RYR3: variants seen among roughly 807,000 people sequenced by gnomAD.
The protein encoded by RYR3 is ryanodine receptor 3.
RYR3 carries 207 observed loss-of-function variants against 584.3 expected under a neutral mutation model. The observed-to-expected ratio is 0.35, with a 90% CI of 0.32 to 0.40. RYR3 has a LOEUF of 0.40. RYR3 is among the 10% of genes least tolerant of loss of function. RYR3 has a pLI of 1.00. For missense variants in RYR3, 5,616 were observed against 6,089.2 expected (o/e 0.92, Z 2.59); for synonymous variants, 2,416 against 2,248.5 (o/e 1.07, Z -2.11).
At chr15:33,659,118 A>G (rs983022927) in intron 32 of RYR3, among the ~76,000 whole-genome samples, 3 of 152,192 alleles carry the variant, frequency 2.0e-5, no homozygotes, top group Admixed American at 1.3e-4. Flanking sequence ...GCTGATGTGC[A>G]GTGGGCAGAG....
At chr15:33,644,589 C>T in intron 28 of RYR3, 70 bp downstream of exon 28, 4 of 1,178,724 alleles carry the variant, frequency 3.4e-6, no homozygotes, top group Non-Finnish European at 2.5e-6. Context: ...CCCTAAGTCT[C>T]CTGTCAACAG....
intron 1 of RYR3, among the ~76,000 whole-genome samples, chr15:33,367,077 T>A (rs1215437309): frequency 6.6e-6 from 1 of 152,206 alleles, no homozygotes; most frequent in Non-Finnish European, 1.5e-5. Context: ...ATTGAAGAAC[T>A]ATGAAAAACA....
intron 86 of RYR3, among the ~76,000 whole-genome samples, chr15:33,831,451 A>C (rs2065333849): frequency 6.6e-6 from 1 of 152,228 alleles, no homozygotes; most frequent in African/African-American, 2.4e-5. Context: ...TGGAGAGTGG[A>C]GTGGAGAAAT....
At chr15:33,849,590 CAAGT>C (rs1277596454) in intron 94 of RYR3, 7 of 152,124 alleles carry the variant, frequency 4.6e-5, no homozygotes, top group African/African-American at 7.2e-5. Context: ...AGTTGATTCA[CAAGT>C]AAGTGACAGT....
intron 27 of RYR3, 109 bp from the exon 28 acceptor site, chr15:33,644,202 T>C: frequency 1.3e-6 from 1 of 779,976 alleles, no homozygotes; most frequent in Non-Finnish European, 2.1e-6. Flanking sequence ...TTGTGTCACA[T>C]CTTTCCTACT....
In RYR3 at chr15:33,390,145, CAG is replaced by C. The variant is rs1378647097; in HGVS notation, c.51+79052_51+79053del. Among the ~76,000 whole-genome samples the C allele has an allele frequency of 3.3e-5, 5 of 152,332 alleles. No homozygotes were observed. The East Asian group carries it at 7.7e-4, about 23-fold the overall frequency. ...TGGAAATCTGTACTGTTATTCCAAG[CAG>C]AGTCTCGCTGCTGGGAGACAAGAAA... On this transcript the variant is annotated intron_variant, in intron 1 of 103. Coordinates refer to ENST00000634891, the MANE Select transcript of RYR3 (RefSeq NM_001036.6). This position sits in a 1 kb window ranked among gnomAD's most constrained non-coding sequence, Gnocchi z 4.2.
At chr15:33,470,112 G>A (rs977181887) in intron 1 of RYR3, among the ~76,000 whole-genome samples, 31 of 152,168 alleles carry the variant, frequency 2.0e-4, no homozygotes, top group Non-Finnish European at 3.4e-4. Context: ...AAACCTTTAT[G>A]TGATCTTAAT....
At chr15:33,544,718 G>A (rs2056105857) in intron 8 of RYR3, among the ~76,000 whole-genome samples, 1 of 152,104 alleles carries the variant, frequency 6.6e-6, no homozygotes, top group Admixed American at 6.6e-5. Context: ...ATAGTTCTGA[G>A]TCTCTTCCTA....
At chr15:33,724,268 G>A (rs778449380) in intron 45 of RYR3, 92 bp downstream of exon 45, 10 of 718,488 alleles carry the variant, frequency 1.4e-5, no homozygotes, top group Non-Finnish European at 2.3e-5. Flanking sequence ...TCTGTCTCTG[G>A]CATTTGCTAA....
At chr15:33,623,691 C>T (rs2060841231) in intron 19 of RYR3, 116 bp from the exon 20 acceptor site, 1 of 732,812 alleles carries the variant, frequency 1.4e-6, no homozygotes, top group Admixed American at 2.7e-5. Context: ...AAGTCGTTTA[C>T]TTCTCAACAA....
chr15:33,363,681 G>A (rs1975079823), intron 1 of RYR3, among the ~76,000 whole-genome samples: 1 of 152,156 alleles, frequency 6.6e-6, no homozygotes, highest in Non-Finnish European at 1.5e-5. Context: ...ATCATGAGAT[G>A]TTAACATAAA....
chr15:33,587,085 T>G (rs986308586), intron 16 of RYR3, among the ~76,000 whole-genome samples: 2 of 152,108 alleles, frequency 1.3e-5, no homozygotes, highest in African/African-American at 4.8e-5. Flanking sequence ...CAGCATAGAC[T>G]GTATGACATG....
intron 1 of RYR3, among the ~76,000 whole-genome samples, chr15:33,400,336 C>T (rs562796222): frequency 6.6e-6 from 1 of 152,282 alleles, no homozygotes; most frequent in African/African-American, 2.4e-5. Context: ...ATCAACCCTA[C>T]CTACCACCAA....
intron 1 of RYR3, among the ~76,000 whole-genome samples, chr15:33,394,960 A>G (rs74845413): frequency 6.6e-6 from 1 of 151,920 alleles, no homozygotes; most frequent in Non-Finnish European, 1.5e-5. Flanking sequence ...GCAAAAAAAA[A>G]CACATACTGA....
chr15:33,408,478 CT>C (rs2043173126), intron 1 of RYR3, among the ~76,000 whole-genome samples: 2 of 152,060 alleles, frequency 1.3e-5, no homozygotes, highest in Admixed American at 6.5e-5. Context: ...ATGATTGTGT[CT>C]TTTTATTAGA....
At position 33,785,951 on chromosome 15, in the gene RYR3, C is replaced by A; in HGVS notation, c.9558C>A (p.Ile3186=). 1 of 1,601,616 alleles carries A rather than the reference C, an allele frequency of 6.2e-7. No homozygotes were observed. Among genetic ancestry groups the A allele is most frequent in the Non-Finnish European group, 8.5e-7 (1 of 1,172,396 alleles). Residue 3186 remains isoleucine, a synonymous_variant, in exon 66 of 104, where the codon ATC becomes ATA. Transcript: ENST00000634891. ...AAATCATCAACAACAACCTGGGCAT[C>A]GATGAGGCCTCCTGGATGAAGCGCA... ...ILKIINNNLG[I]DEASWMKRIA...
Position 33,566,775 on chromosome 15 carries a change from C to T in RYR3, c.1244C>T (p.Thr415Ile). 2 of 1,613,720 alleles carry T rather than the reference C, an allele frequency of 1.2e-6. No homozygotes were observed. Among genetic ancestry groups the T allele is most frequent in the South Asian group, 1.1e-5 (1 of 91,074 alleles). Residue 415 changes from threonine (T) to isoleucine (I), a missense_variant, in exon 12 of 104, where the codon ACA (threonine) becomes ATA (isoleucine). Thr to Ile is a moderately conservative substitution (Grantham distance 89, BLOSUM62 -1). Coordinates refer to ENST00000634891, the MANE Select transcript of RYR3 (RefSeq NM_001036.6). ...GCTGCTCGGATCATCCGGAACACTA[C>T]AGCCTTATTCAGCCAGTTTGTCAGG... ...SQAARIIRNTTALFSQFVSGN... is the reference protein window; with the variant it reads ...SQAARIIRNTIALFSQFVSGN...
intron 1 of RYR3, among the ~76,000 whole-genome samples, chr15:33,394,643 A>T (rs1346473063): frequency 6.6e-6 from 1 of 152,186 alleles, no homozygotes; most frequent in African/African-American, 2.4e-5. Context: ...TCTTTCCTCC[A>T]TTCTATGAGA....
chr15:33,857,879 G>A lies in RYR3; in HGVS notation c.14107G>A (p.Asp4703Asn), dbSNP rs746166628. ...RKFYNKSEDD[D>N]EPDMKCDDMM... ...GTTCTACAACAAAAGCGAAGACGAT[G>A]ACGAGCCCGATATGAAGTGCGACGA... Residue 4703 changes from aspartate to asparagine, a missense_variant, in exon 99 of 104, where the codon GAC becomes AAC. Physicochemically the swap from Asp to Asn is conservative, Grantham distance 23. Around this residue, in one of 9 missense-constraint regions of RYR3, gnomAD observed 918 missense variants for 887.4 expected, o/e 1.03. Coordinates refer to ENST00000634891, the MANE Select transcript of RYR3 (RefSeq NM_001036.6). 1.2e-6 allele frequency: 2 copies of A among 1,614,170 alleles called. No homozygotes were observed. Among genetic ancestry groups the A allele is most frequent in the Admixed American group, 3.3e-5 (2 of 60,036 alleles).
Sources: gnomAD v4.1 joint callset for allele counts (sites outside exome capture counted in the v4.1 genomes callset) on GRCh38, gnomAD v4.1.1 for gene constraint, gnomAD v4.1.1 regional missense constraint, Gnocchi (gnomAD v3.1) non-coding constraint, MANE v1.5 for transcripts, NCBI Gene and HGNC (gene_info 2026-07-23, HGNC 2026-07-21) for gene names.